The following MYRIP variants were observed in gnomAD, a reference collection of about 807,000 sequenced individuals.
MYRIP encodes the protein myosin VIIA and Rab interacting protein.
In MYRIP, 49 loss-of-function variants were observed where a neutral mutation model predicts 98.0. The observed-to-expected ratio is 0.50, with a 90% CI of 0.40 to 0.63. The LOEUF is 0.63. MYRIP is among the 30% of genes least tolerant of loss of function. MYRIP has a pLI of 0.00. For synonymous variants in MYRIP, 404 were observed against 409.5 expected, an observed-to-expected ratio of 0.99 and a Z score of 0.16; for missense variants, 1,004 against 1,058.2, an observed-to-expected ratio of 0.95 and a Z score of 0.71.
rs148708582 is a variant in MYRIP at position 39,814,160 on chromosome 3, A to T, written c.-31+4244A>T. On this transcript the variant is annotated intron_variant, in intron 1 of 16. Coordinates refer to ENST00000302541, the MANE Select transcript of MYRIP (RefSeq NM_015460.4). ...GGAACAACTGAGTAGTAGGATATGT[A>T]TGCTTAAATCAACATTCATCTGTTA... Among the ~76,000 whole-genome samples, 646 of 152,314 alleles carry T rather than the reference A, an allele frequency of 4.2e-3. 3 individuals are homozygous for T. The highest frequency in any genetic ancestry group is 5.6e-3 in the Non-Finnish European group (382 of 68,016).
intron 13 of MYRIP, among the ~76,000 whole-genome samples, chr3:40,249,709 G>T (rs1418062183): frequency 2.6e-5 from 4 of 152,216 alleles, no homozygotes; most frequent in African/African-American, 9.6e-5. Flanking sequence ...TGCCCAGAGA[G>T]GGGAGAGAGT....
intron 3 of MYRIP, among the ~76,000 whole-genome samples, chr3:40,059,418 G>A (rs1044668354): frequency 1.6e-4 from 24 of 152,100 alleles, no homozygotes; most frequent in Non-Finnish European, 7.4e-5. Context: ...AAGCGTTCCT[G>A]TTTCTCCACA....
At chr3:39,825,498 T>C (rs1048349442) in intron 1 of MYRIP, among the ~76,000 whole-genome samples, 4 of 152,238 alleles carry the variant, frequency 2.6e-5, no homozygotes, top group Admixed American at 2.6e-4. Flanking sequence ...TTGCATTTAT[T>C]GATTTGCAGG....
At chr3:40,094,389 T>C (rs1161616310) in intron 3 of MYRIP, among the ~76,000 whole-genome samples, 1 of 152,244 alleles carries the variant, frequency 6.6e-6, no homozygotes, top group Non-Finnish European at 1.5e-5. Flanking sequence ...CTGGTGTTTA[T>C]TACACCATGG....
intron 10 of MYRIP, among the ~76,000 whole-genome samples, chr3:40,205,275 A>G (rs1400324202): frequency 5.3e-5 from 8 of 152,152 alleles, no homozygotes; most frequent in Admixed American, 5.2e-4. Context: ...CCCTCTGTCC[A>G]TGTTCACAAA....
chr3:40,034,207 C>A (rs1037968152), intron 2 of MYRIP, among the ~76,000 whole-genome samples: 5 of 151,700 alleles, frequency 3.3e-5, no homozygotes, highest in African/African-American at 7.3e-5. Flanking sequence ...GCAACAAAAG[C>A]CAAAATTGAC....
At chr3:40,018,382 T>G (rs533417418) in intron 2 of MYRIP, among the ~76,000 whole-genome samples, 2 of 152,348 alleles carry the variant, frequency 1.3e-5, no homozygotes, top group Non-Finnish European at 2.9e-5. Context: ...TCTGCTTTCC[T>G]GTCTCCCGCT....
intron 1 of MYRIP, among the ~76,000 whole-genome samples, chr3:39,864,078 T>C (rs1346800846): frequency 6.6e-6 from 1 of 151,884 alleles, no homozygotes. Context: ...ATGCAGAAAA[T>C]GCTTTCAATA....
At chr3:40,139,642 C>CA (rs1365807020) in intron 3 of MYRIP, among the ~76,000 whole-genome samples, 1 of 152,120 alleles carries the variant, frequency 6.6e-6, no homozygotes, top group Admixed American at 6.5e-5. Context: ...TGCAGTGGCA[C>CA]AATCATAGCT....
At chr3:39,973,768 A>G (rs989265878) in intron 2 of MYRIP, among the ~76,000 whole-genome samples, 2 of 152,194 alleles carry the variant, frequency 1.3e-5, no homozygotes, top group African/African-American at 4.8e-5. Context: ...GCCCAACTAC[A>G]TGGAAACTGA....
intron 11 of MYRIP, among the ~76,000 whole-genome samples, chr3:40,223,872 A>G (rs1269731549): frequency 6.6e-6 from 1 of 152,154 alleles, no homozygotes; most frequent in Non-Finnish European, 1.5e-5. Context: ...CACAATAGTG[A>G]TAAGTGCTAA....
At chr3:40,018,117 C>T (rs1294594301) in intron 2 of MYRIP, among the ~76,000 whole-genome samples, 1 of 152,154 alleles carries the variant, frequency 6.6e-6, no homozygotes, top group Non-Finnish European at 1.5e-5. Flanking sequence ...TTGGAGGCAC[C>T]TCCTTATTTG....
chr3:40,001,654 G>A (rs1946521947), intron 2 of MYRIP, among the ~76,000 whole-genome samples: 1 of 152,196 alleles, frequency 6.6e-6, no homozygotes, highest in Non-Finnish European at 1.5e-5. Context: ...TGGGATTAGA[G>A]GGGTGAGAAG....
At chr3:39,845,624 A>G (rs1484275661) in intron 1 of MYRIP, among the ~76,000 whole-genome samples, 11 of 152,252 alleles carry the variant, frequency 7.2e-5, no homozygotes. Flanking sequence ...GAAATTTTGC[A>G]AGAGTTATTT....
At chr3:40,142,453 G>A (rs1378660698) in intron 3 of MYRIP, among the ~76,000 whole-genome samples, 1 of 152,006 alleles carries the variant, frequency 6.6e-6, no homozygotes, top group Non-Finnish European at 1.5e-5. Flanking sequence ...TATCCTCAGG[G>A]ATTTCAGAGG....
At chr3:40,122,676 T>C (rs1052343315) in intron 3 of MYRIP, among the ~76,000 whole-genome samples, 1 of 151,910 alleles carries the variant, frequency 6.6e-6, no homozygotes, top group Non-Finnish European at 1.5e-5. Flanking sequence ...GACGTTTTGA[T>C]TTTTTCTTCA....
intron 2 of MYRIP, among the ~76,000 whole-genome samples, chr3:39,945,303 C>A (rs1944873457): frequency 2.0e-5 from 2 of 99,440 alleles, no homozygotes; most frequent in Admixed American, 1.3e-4. Flanking sequence ...AATACCATCT[C>A]TACTACAAAA....
chr3:39,818,658 G>T (rs35781148), intron 1 of MYRIP, among the ~76,000 whole-genome samples: 32,123 of 151,266 alleles, frequency 0.21, 3,482 homozygotes, highest in South Asian at 0.3. Context: ...CTTTAATTTT[G>T]GGGGGGTATT....
intron 2 of MYRIP, among the ~76,000 whole-genome samples, chr3:39,908,430 C>T (rs182754813): frequency 2.4e-4 from 35 of 148,652 alleles, no homozygotes; most frequent in Non-Finnish European, 3.9e-4. Context: ...TAATCTTCCA[C>T]CCCCCCCATT....
Sources: gnomAD v4.1 joint callset for allele counts (sites outside exome capture counted in the v4.1 genomes callset) on GRCh38, gnomAD v4.1.1 for gene constraint, MANE v1.5 for transcripts, NCBI Gene and HGNC (gene_info 2026-07-23, HGNC 2026-07-21) for gene names.